GPCPD1: variants seen among roughly 807,000 people sequenced by gnomAD.
GPCPD1 encodes the protein glycerophosphocholine phosphodiesterase GPCPD1.
Under a neutral mutation model 89.2 loss-of-function variants are expected in GPCPD1, and 29 were observed. That is an observed-to-expected ratio of 0.33 (90% CI 0.24 to 0.44). The LOEUF (loss-of-function observed/expected upper bound fraction) is 0.44, where lower values mean the gene tolerates loss of function less well. Among genes scored for constraint, GPCPD1 ranks in the 20% least tolerant of loss-of-function variants. The probability of loss-of-function intolerance (pLI) is 1.00; values close to 1 mark genes in which losing one functional copy is unlikely to be tolerated. For missense variants in GPCPD1, 594 were observed against 808.9 expected, an observed-to-expected ratio of 0.73 and a Z score of 3.22; for synonymous variants, 258 against 266.3, an observed-to-expected ratio of 0.97 and a Z score of 0.30.
At chr20:5,605,039 GATTA>G in intron 1 of GPCPD1, among the ~76,000 whole-genome samples, 1 of 151,984 alleles carries the variant, frequency 6.6e-6, no homozygotes, top group Non-Finnish European at 1.5e-5. Context: ...CAAAAAAAAA[GATTA>G]ATTTCAGAGT....
intron 19 of GPCPD1, among the ~76,000 whole-genome samples, chr20:5,553,490 A>G (rs1227098717): frequency 6.6e-6 from 1 of 152,220 alleles, no homozygotes; most frequent in African/African-American, 2.4e-5. Flanking sequence ...ATAAAAAACT[A>G]GAAATGATTA....
At chr20:5,592,456 G>C (rs1344071578) in intron 4 of GPCPD1, among the ~76,000 whole-genome samples, 1 of 152,170 alleles carries the variant, frequency 6.6e-6, no homozygotes, top group East Asian at 1.9e-4. Flanking sequence ...CAGCTAAAGT[G>C]GGTTTGTCAT....
chr20:5,604,479 A>G, intron 1 of GPCPD1, 39 bp from the exon 2 acceptor site: 2 of 935,070 alleles, frequency 2.1e-6, no homozygotes, highest in Non-Finnish European at 3.4e-6. Flanking sequence ...GTATAAAAAT[A>G]TATGCCTTAG....
At chr20:5,584,585 C>T (rs1345443169) in intron 5 of GPCPD1, 2 of 230,390 alleles carry the variant, frequency 8.7e-6, no homozygotes, top group African/African-American at 4.6e-5. Flanking sequence ...CAGAAAGGTG[C>T]TCTAGAGGCA....
At position 5,575,537 on chromosome 20, in the gene GPCPD1, T is replaced by C. The variant is rs1296497053; in HGVS notation, c.877A>G (p.Ile293Val). Residue 293 changes from isoleucine (I) to valine (V), a missense_variant, in exon 10 of 20, where the codon ATA (isoleucine) becomes GTA (valine). Transcript: ENST00000379019. ...TATCCTGGTAATGGCTTAATAATTATATAGTCAACTTTCATAGGAAAAAAG... is the reference window on the plus strand; with the variant it reads ...TATCCTGGTAATGGCTTAATAATTACATAGTCAACTTTCATAGGAAAAAAG... ...KTIGKVRVDY[I>V]IIKPLPGYSC... 1 of 1,572,284 alleles carries C rather than the reference T, an allele frequency of 6.4e-7. No homozygotes were observed. The highest frequency in any genetic ancestry group is 1.1e-5 in the South Asian group (1 of 87,760).
intron 11 of GPCPD1, among the ~76,000 whole-genome samples, chr20:5,571,416 T>C (rs1986706781): frequency 6.6e-6 from 1 of 152,176 alleles, no homozygotes; most frequent in African/African-American, 2.4e-5. Context: ...CAAAACTTAA[T>C]CCCAAAATTC....
chr20:5,582,643 C>T (rs1978622078), intron 6 of GPCPD1, among the ~76,000 whole-genome samples: 1 of 152,200 alleles, frequency 6.6e-6, no homozygotes. Context: ...AATCCCAACA[C>T]TTTGGGAGGC....
At chr20:5,570,370 A>T in intron 11 of GPCPD1, 131 bp from the exon 12 acceptor site, 4 of 204,684 alleles carry the variant, frequency 2.0e-5, no homozygotes, top group Non-Finnish European at 4.1e-5. Flanking sequence ...AAAGTAATGT[A>T]TTCTCTTAAA....
At chr20:5,608,770 C>T (rs1182708789) in intron 1 of GPCPD1, among the ~76,000 whole-genome samples, 2 of 152,226 alleles carry the variant, frequency 1.3e-5, no homozygotes, top group African/African-American at 4.8e-5. Flanking sequence ...ACAGACTACA[C>T]TTCCTGAAAC....
intron 3 of GPCPD1, among the ~76,000 whole-genome samples, chr20:5,596,130 G>T (rs1292601327): frequency 6.6e-6 from 1 of 152,148 alleles, no homozygotes; most frequent in African/African-American, 2.4e-5. Flanking sequence ...CCAGAACCCA[G>T]GCATAGTGGC....
chr20:5,608,936 T>C (rs17211175), intron 1 of GPCPD1, among the ~76,000 whole-genome samples: 1,627 of 152,352 alleles, frequency 0.011, 18 homozygotes, highest in Non-Finnish European at 0.017. Flanking sequence ...TGGTAATTAA[T>C]CCACATTTTA....
At chr20:5,576,702 C>G (rs995960579) in intron 8 of GPCPD1, among the ~76,000 whole-genome samples, 5 of 152,010 alleles carry the variant, frequency 3.3e-5, no homozygotes, top group African/African-American at 1.2e-4. Flanking sequence ...TTAACATATT[C>G]TCTAAAAATG....
intron 6 of GPCPD1, among the ~76,000 whole-genome samples, chr20:5,582,162 G>A (rs1463595020): frequency 8.1e-6 from 1 of 123,576 alleles, no homozygotes; most frequent in African/African-American, 3.2e-5. Flanking sequence ...CTCCAGCCTG[G>A]GCGACAGAGC....
intron 11 of GPCPD1, among the ~76,000 whole-genome samples, chr20:5,571,119 A>G (rs1986688349): frequency 6.6e-6 from 1 of 152,200 alleles, no homozygotes; most frequent in Non-Finnish European, 1.5e-5. Context: ...CACTGGCTCT[A>G]AATTGTCAAG....
Position 5,578,559 on chromosome 20 carries a change from G to A in GPCPD1, c.526C>T (p.Pro176Ser). The part of the protein sequence containing the change: ...LEEDDDDRVS[P>S]TVLHKMSNSL... ...TTGGACATTTTGTGGAGTACAGTGGGAGATACCCTATCATCGTCATCTTCC... is the reference window on the plus strand; with the variant it reads ...TTGGACATTTTGTGGAGTACAGTGGAAGATACCCTATCATCGTCATCTTCC... The change falls in exon 8 of 20, where the codon CCC becomes TCC. Residue 176 changes from proline (P) to serine (S), a missense_variant. Coordinates refer to ENST00000379019, the MANE Select transcript of GPCPD1 (RefSeq NM_019593.5). The A allele has an allele frequency of 6.2e-7, 1 of 1,613,698 alleles. No homozygotes were observed. The highest frequency in any genetic ancestry group is 2.2e-5 in the East Asian group (1 of 44,880).
At chr20:5,570,868 C>T (rs929492786) in intron 11 of GPCPD1, among the ~76,000 whole-genome samples, 3 of 151,756 alleles carry the variant, frequency 2.0e-5, no homozygotes, top group African/African-American at 4.8e-5. Flanking sequence ...AGCCAAATTT[C>T]TAAAAAGCAG....
chr20:5,587,371 T>C (rs1296390976), intron 4 of GPCPD1, among the ~76,000 whole-genome samples: 1 of 151,954 alleles, frequency 6.6e-6, no homozygotes, highest in Non-Finnish European at 1.5e-5. Flanking sequence ...ATATTACACA[T>C]ACTCTTTTTT....
intron 15 of GPCPD1, 29 bp from the exon 16 acceptor site, chr20:5,561,559 T>G (rs779630598): frequency 3.8e-6 from 5 of 1,327,892 alleles, no homozygotes; most frequent in South Asian, 1.2e-5. Flanking sequence ...GTAAATTTTG[T>G]TTTTGATGAG....
intron 19 of GPCPD1, chr20:5,549,273 T>C (rs1985227924): frequency 2.3e-6 from 2 of 859,352 alleles, no homozygotes; most frequent in Admixed American, 1.8e-5. Flanking sequence ...AGTGATGATA[T>C]ATGTGCAGCT....
Sources: gnomAD v4.1 joint callset for allele counts (sites outside exome capture counted in the v4.1 genomes callset) on GRCh38, gnomAD v4.1.1 for gene constraint, MANE v1.5 for transcripts, NCBI Gene and HGNC (gene_info 2026-07-23, HGNC 2026-07-21) for gene names.